Variants in PPFIA3 observed in about 807,000 individuals in gnomAD.
PPFIA3 encodes PPFI scaffold protein A3, also known as liprin-alpha-3.
In PPFIA3, 26 loss-of-function variants were observed where a neutral mutation model predicts 145.8. The observed-to-expected ratio is 0.18, with a 90% CI of 0.13 to 0.25. PPFIA3 has a LOEUF of 0.25. PPFIA3 is among the 10% of genes least tolerant of loss of function. The pLI is 1.00. For missense variants in PPFIA3, 1,008 were observed against 1,587.8 expected (o/e 0.63, Z 6.21); for synonymous variants, 645 against 661.4 (o/e 0.98, Z 0.38).
At chr19:49,142,685 C>A in intron 20 of PPFIA3, 119 bp from the exon 21 acceptor site, 1 of 847,638 alleles carries the variant, frequency 1.2e-6, no homozygotes, top group Non-Finnish European at 1.8e-6. Flanking sequence ...CGAACTTTCC[C>A]ACGTCTCTGT....
At chr19:49,140,639 C>CTTTTTTTTTTTTTT (rs4002348) in intron 18 of PPFIA3, among the ~76,000 whole-genome samples, 13 of 63,832 alleles carry the variant, frequency 2.0e-4, no homozygotes, top group African/African-American at 1.0e-3. Flanking sequence ...ACTCATTTAC[C>CTTTTTTTTTTTTTT]TTTTTTTTTT....
chr19:49,138,189 C>T lies in PPFIA3; in HGVS notation c.1854-16C>T, dbSNP rs2041164809. 2 of 1,559,360 alleles carry T rather than the reference C, an allele frequency of 1.3e-6. No homozygotes were observed. The highest frequency in any genetic ancestry group is 1.7e-6 in the Non-Finnish European group (2 of 1,143,276). ...GCTGCGGCCCCTCACCCAGTTTCCC[C>T]TATTTCCCTCCTCAGGCTGATCCAA... On this transcript the variant is annotated splice_polypyrimidine_tract_variant and intron_variant, in intron 15 of 29. Coordinates refer to ENST00000334186, the MANE Select transcript of PPFIA3 (RefSeq NM_003660.4).
At position 49,120,285 on chromosome 19, in the gene PPFIA3, C is replaced by T. The variant is rs1486123483; in HGVS notation, c.-16+563C>T. Among the ~76,000 whole-genome samples the T allele has an allele frequency of 6.6e-6, 1 of 152,042 alleles. No individual in the cohort carries two copies. Among genetic ancestry groups the T allele is most frequent in the East Asian group, 1.9e-4 (1 of 5,154 alleles). On this transcript the variant is annotated intron_variant, in intron 1 of 29. Transcript: ENST00000334186. This position sits in a 1 kb window ranked among gnomAD's most constrained non-coding sequence, Gnocchi z 4.6. Reference sequence around the variant, plus strand: ...GGCGCAGGCGGCGCGGGGATCCCCCCGCCGCGCCTTTGACCCGGGAATACC... The same window carrying T: ...GGCGCAGGCGGCGCGGGGATCCCCCTGCCGCGCCTTTGACCCGGGAATACC...
At chr19:49,121,297 ATTTC>A (rs950219048) in intron 1 of PPFIA3, among the ~76,000 whole-genome samples, 14 of 151,708 alleles carry the variant, frequency 9.2e-5, no homozygotes, top group Admixed American at 2.6e-4. Context: ...TGCCATACAA[ATTTC>A]TTTCTTTCTA....
At chr19:49,136,660 C>T (rs2041140850) in intron 14 of PPFIA3, 64 bp from the exon 15 acceptor site, 1 of 1,229,874 alleles carries the variant, frequency 8.1e-7, no homozygotes, top group Non-Finnish European at 1.1e-6. Context: ...GATCATGAGC[C>T]AAGACCCAGC....
At position 49,148,753 on chromosome 19, in the gene PPFIA3, C is replaced by G; in HGVS notation, c.3099C>G (p.Thr1033=). The G allele has an allele frequency of 6.2e-7, 1 of 1,613,540 alleles. No individual in the cohort carries two copies. Among genetic ancestry groups the G allele is most frequent in the Admixed American group, 1.7e-5 (1 of 60,020 alleles). ...DLERRREESQ[T]QIRDVMVWSN... ...AGCGGAGGCGGGAAGAAAGTCAGAC[C>G]CAGATCCGAGGTGAGTAGAGCCTAA... Residue 1033 remains threonine (T), a synonymous_variant, in exon 25 of 30, where the codon ACC becomes ACG. Transcript: ENST00000334186.
intron 5 of PPFIA3, 50 bp from the exon 6 acceptor site, chr19:49,129,943 C>T: frequency 6.3e-7 from 1 of 1,584,076 alleles, no homozygotes; most frequent in Non-Finnish European, 8.7e-7. Context: ...AGAACTAGAG[C>T]TGGGGGTTCA....
chr19:49,138,653 C>A (rs989161675), intron 16 of PPFIA3, among the ~76,000 whole-genome samples: 1 of 152,152 alleles, frequency 6.6e-6, no homozygotes, highest in Non-Finnish European at 1.5e-5. Context: ...ATTTCTCATG[C>A]GTCAAGTTTC....
At chr19:49,132,416 A>G (rs1394504075) in intron 7 of PPFIA3, among the ~76,000 whole-genome samples, 1 of 150,292 alleles carries the variant, frequency 6.7e-6, no homozygotes, top group Non-Finnish European at 1.5e-5. Flanking sequence ...AAAAAAAAAA[A>G]AAAAGAAAGA....
At chr19:49,141,982 CA>C (rs1298295431) in intron 19 of PPFIA3, 51 bp from the exon 20 acceptor site, 3 of 1,445,904 alleles carry the variant, frequency 2.1e-6, no homozygotes, top group African/African-American at 2.8e-5. Context: ...ATCCACAGAG[CA>C]GGGGGTCTCC....
chr19:49,144,915 T>C (rs1176922779), intron 21 of PPFIA3, among the ~76,000 whole-genome samples: 1 of 151,378 alleles, frequency 6.6e-6, no homozygotes, highest in East Asian at 1.9e-4. Context: ...TTAATTTCTT[T>C]TTCTTTTCTT....
rs1012807700 is a variant in PPFIA3, at chr19:49,134,175, C to T, written c.1377+10C>T. On this transcript the variant is annotated intron_variant, in intron 11 of 29. Coordinates refer to ENST00000334186, the MANE Select transcript of PPFIA3 (RefSeq NM_003660.4). ...GGCGCTGGAGGAGAAGGTGCGCCCC[C>T]CATACAGGACTGCGGGACGCGGAAT... The T allele has an allele frequency of 6.3e-7, 1 of 1,594,422 alleles. No homozygotes were observed. Among genetic ancestry groups the T allele is most frequent in the East Asian group, 2.2e-5 (1 of 44,682 alleles).
In PPFIA3 at chr19:49,130,478, G is replaced by A. The variant is rs756342224; in HGVS notation, c.758G>A (p.Arg253Gln). The A allele has an allele frequency of 1.2e-6, 2 of 1,605,302 alleles. No individual in the cohort carries two copies. Among genetic ancestry groups the A allele is most frequent in the Admixed American group, 3.4e-5 (2 of 58,684 alleles). ...ERQRAEVCQL[R>Q]ERLAVLCRQM... ...CAGCGCGCCGAGGTGTGCCAGCTGC[G>A]GGAGCGCCTGGCGGTGCTGTGCCGT... Residue 253 changes from arginine to glutamine, a missense_variant, in exon 7 of 30, where the codon CGG (arginine) becomes CAG (glutamine). Arg to Gln is a conservative substitution (Grantham distance 43). This residue lies in a region of PPFIA3 where 136 missense variants were observed against 160.7 expected (regional missense o/e 0.85). Coordinates refer to ENST00000334186, the MANE Select transcript of PPFIA3 (RefSeq NM_003660.4). This position sits in a 1 kb window ranked among gnomAD's most constrained non-coding sequence, Gnocchi z 4.5.
Position 49,133,223 on chromosome 19 carries a change from TC to T in PPFIA3, c.1027-13del. On this transcript the variant is annotated splice_polypyrimidine_tract_variant and intron_variant, in intron 8 of 29. Coordinates refer to ENST00000334186, the MANE Select transcript of PPFIA3 (RefSeq NM_003660.4). This position sits in a 1 kb window ranked among gnomAD's most constrained non-coding sequence, Gnocchi z 7.2. ...ACCCAGCCCGTCCCCTCCCCCTGCC[TC>T]TCCCTCCCCCAGAGTGAAGAGAAGA... 6.3e-7 allele frequency: 1 copy of T among 1,577,086 alleles called. No individual in the cohort carries two copies. The highest frequency in any genetic ancestry group is 8.7e-7 in the Non-Finnish European group (1 of 1,154,960).
chr19:49,136,710 C>T lies in PPFIA3; in HGVS notation c.1666-14C>T. ...CCAGCCACCTAATGTCCCTCTGTCCCCACACAGGGATAGGATTGGGAGCGG... is the reference window on the plus strand; with the variant it reads ...CCAGCCACCTAATGTCCCTCTGTCCTCACACAGGGATAGGATTGGGAGCGG... On this transcript the variant is annotated splice_polypyrimidine_tract_variant and intron_variant, in intron 14 of 29. Coordinates refer to ENST00000334186, the MANE Select transcript of PPFIA3 (RefSeq NM_003660.4). 1 of 1,432,422 alleles carries T rather than the reference C, an allele frequency of 7.0e-7. No individual in the cohort carries two copies. The highest frequency in any genetic ancestry group is 9.3e-7 in the Non-Finnish European group (1 of 1,075,986). The allele number at this position is 1,432,422 out of a possible 1,614,324, so 88.7% of individuals were successfully genotyped here.
At position 49,141,429 on chromosome 19, in the gene PPFIA3, C is replaced by T; in HGVS notation, c.2378C>T (p.Pro793Leu). 1 of 1,613,920 alleles carries T rather than the reference C, an allele frequency of 6.2e-7. No individual in the cohort carries two copies. Among genetic ancestry groups the T allele is most frequent in the Admixed American group, 1.7e-5 (1 of 59,982 alleles). Reference protein sequence around the residue: ...GRDSSSLAGTPSDETLATDPL... With the variant: ...GRDSSSLAGTLSDETLATDPL... ...CCCTCCCTGCCTCCAGCTGGAACACCCTCAGATGAGACACTGGCCACTGAC... is the reference window on the plus strand; with the variant it reads ...CCCTCCCTGCCTCCAGCTGGAACACTCTCAGATGAGACACTGGCCACTGAC... The change falls in exon 19 of 30, where the codon CCC becomes CTC. Residue 793 changes from proline to leucine, a missense_variant. By Grantham distance (98) the Pro-to-Leu change is moderately conservative. This residue lies in a region of PPFIA3 where 202 missense variants were observed against 241.8 expected (regional missense o/e 0.84). Transcript: ENST00000334186.
At chr19:49,147,937 G>T in intron 23 of PPFIA3, 146 bp from the exon 24 acceptor site, 1 of 777,658 alleles carries the variant, frequency 1.3e-6, no homozygotes, top group Non-Finnish European at 2.0e-6. Context: ...CTCTGGATTG[G>T]TCCATTATCC....
chr19:49,138,157 G>C, intron 15 of PPFIA3, 48 bp from the exon 16 acceptor site: 2 of 1,497,292 alleles, frequency 1.3e-6, no homozygotes, highest in African/African-American at 2.8e-5. Context: ...TCCCTCTCCC[G>C]CTGTCTGCTG....
Position 49,140,817 on chromosome 19 carries a change from G to A in PPFIA3, c.2369-603G>A, listed in dbSNP as rs2041213235. Among the ~76,000 whole-genome samples, 4 of 151,564 alleles carry A rather than the reference G, an allele frequency of 2.6e-5. No individual in the cohort carries two copies. In the South Asian group the frequency reaches 8.4e-4, roughly 32 times the overall value. On this transcript the variant is annotated intron_variant, in intron 18 of 29. Coordinates refer to ENST00000334186, the MANE Select transcript of PPFIA3 (RefSeq NM_003660.4). The stretch of plus-strand genomic sequence containing the variant: ...CTACAGGCGCCCACCACCACGCCCG[G>A]CTAACTTTTTGTATTTTCAGTAGAG...
Sources: gnomAD v4.1 joint callset for allele counts (sites outside exome capture counted in the v4.1 genomes callset) on GRCh38, gnomAD v4.1.1 for gene constraint, gnomAD v4.1.1 regional missense constraint, Gnocchi (gnomAD v3.1) non-coding constraint, MANE v1.5 for transcripts, NCBI Gene and HGNC (gene_info 2026-07-23, HGNC 2026-07-21) for gene names.